STK32A: variants seen among roughly 807,000 people sequenced by gnomAD.
STK32A encodes the protein serine/threonine kinase 32A.
Under a neutral mutation model 53.2 loss-of-function variants are expected in STK32A, and 41 were observed. The ratio of observed to expected loss-of-function variants is 0.77; its 90% CI spans 0.60 to 1.00. The LOEUF is 1.00. Among genes scored for constraint, STK32A ranks in the 50% least tolerant of loss-of-function variants. The pLI is 0.00. For synonymous variants in STK32A, 166 were observed against 162.8 expected (o/e 1.02, Z -0.15); for missense variants, 458 against 485.8 (o/e 0.94, Z 0.54).
At chr5:147,248,243 C>T (rs760032252) in intron 2 of STK32A, among the ~76,000 whole-genome samples, 6 of 152,052 alleles carry the variant, frequency 3.9e-5, no homozygotes, top group Non-Finnish European at 8.8e-5. Context: ...AAGCATCTTG[C>T]AGACATTTCT....
chr5:147,348,637 A>AG, intron 6 of STK32A: 1 of 748,692 alleles, frequency 1.3e-6, no homozygotes, highest in Non-Finnish European at 2.5e-6. Context: ...TAAAGTAGAC[A>AG]GTTGCATGTC....
chr5:147,397,709 G>A, the STK32A span: 12 of 1,614,098 alleles, frequency 7.4e-6, no homozygotes, highest in African/African-American at 2.7e-5. Context: ...GTCGGAGAAC[G>A]GGCTGCAGGG....
At chr5:147,337,125 T>C (rs10079191) in intron 5 of STK32A, among the ~76,000 whole-genome samples, 42,753 of 152,084 alleles carry the variant, frequency 0.28, 7,806 homozygotes, top group African/African-American at 0.52. Flanking sequence ...ACATCAATTC[T>C]TCCTTGGATC....
intron 11 of STK32A, 194 bp from the exon 12 acceptor site, chr5:147,383,247 A>G: frequency 4.9e-6 from 3 of 614,604 alleles, no homozygotes; most frequent in Non-Finnish European, 8.7e-6. Context: ...CTAGGAGGGG[A>G]GACAGATTCC....
intron 4 of STK32A, among the ~76,000 whole-genome samples, chr5:147,319,691 T>G (rs999686809): frequency 5.3e-5 from 8 of 152,214 alleles, no homozygotes; most frequent in African/African-American, 1.9e-4. Context: ...CAGTGTACCC[T>G]AACCTCCTCC....
intron 2 of STK32A, among the ~76,000 whole-genome samples, chr5:147,264,522 A>G (rs914450035): frequency 1.6e-4 from 25 of 152,246 alleles, no homozygotes; most frequent in African/African-American, 6.0e-4. Flanking sequence ...ATTGTGCAAG[A>G]AAAGAAAACT....
intron 8 of STK32A, among the ~76,000 whole-genome samples, chr5:147,364,561 G>T (rs1756660861): frequency 6.6e-6 from 1 of 152,142 alleles, no homozygotes; most frequent in Non-Finnish European, 1.5e-5. Context: ...AAATACCACA[G>T]AATTGGTGGC....
At chr5:147,270,389 T>C (rs1754978257) in intron 2 of STK32A, among the ~76,000 whole-genome samples, 1 of 104,514 alleles carries the variant, frequency 9.6e-6, no homozygotes, top group African/African-American at 4.1e-5. Context: ...ATGTTTAATT[T>C]TTTTGTTGTT....
the STK32A span, chr5:147,397,962 G>A: frequency 9.3e-7 from 1 of 1,074,770 alleles, no homozygotes; most frequent in Non-Finnish European, 1.3e-6. Context: ...GCCAGGAAAA[G>A]CTCACCATGC....
intron 4 of STK32A, among the ~76,000 whole-genome samples, chr5:147,279,965 A>C (rs916684097): frequency 7.2e-5 from 11 of 152,098 alleles, no homozygotes; most frequent in Non-Finnish European, 1.3e-4. Context: ...TGGGAAAGAG[A>C]GACCCTCCTC....
At chr5:147,244,207 G>T (rs1753694996) in intron 2 of STK32A, among the ~76,000 whole-genome samples, 2 of 152,192 alleles carry the variant, frequency 1.3e-5, no homozygotes, top group Non-Finnish European at 2.9e-5. Flanking sequence ...TGCAGCATGT[G>T]TCAAGATTCT....
chr5:147,260,802 C>T (rs10077015), intron 2 of STK32A, among the ~76,000 whole-genome samples: 35,354 of 152,036 alleles, frequency 0.23, 4,630 homozygotes, highest in Admixed American at 0.33. Flanking sequence ...GCTAGGGAAC[C>T]GCAGAGAGGA....
chr5:147,327,001 G>A (rs184404713), intron 5 of STK32A, among the ~76,000 whole-genome samples: 1 of 152,176 alleles, frequency 6.6e-6, no homozygotes, highest in East Asian at 1.9e-4. Context: ...TTACAGGTGT[G>A]AGTCACCATG....
intron 2 of STK32A, among the ~76,000 whole-genome samples, chr5:147,272,616 A>C (rs1433988487): frequency 4.3e-5 from 5 of 116,132 alleles, no homozygotes; most frequent in Non-Finnish European, 8.9e-5. Context: ...GAATCTCTTA[A>C]AGGGTACACA....
At chr5:147,326,760 A>G (rs991602464) in intron 5 of STK32A, among the ~76,000 whole-genome samples, 1 of 152,220 alleles carries the variant, frequency 6.6e-6, no homozygotes, top group African/African-American at 2.4e-5. Context: ...AAACCAGGAT[A>G]CTCTGAGAGC....
At chr5:147,274,699 A>G (rs1755177836) in intron 2 of STK32A, among the ~76,000 whole-genome samples, 1 of 152,226 alleles carries the variant, frequency 6.6e-6, no homozygotes, top group Non-Finnish European at 1.5e-5. Flanking sequence ...AGTTCCAGGC[A>G]ATATTCTATG....
intron 4 of STK32A, 109 bp from the exon 5 acceptor site, chr5:147,323,789 G>A: frequency 1.1e-6 from 1 of 939,254 alleles, no homozygotes; most frequent in Admixed American, 2.8e-5. Flanking sequence ...CAAAGTCTGA[G>A]CTCTTAGCTC....
Position 147,386,745 on chromosome 5 carries a change from G to C in STK32A, c.*2762G>C, listed in dbSNP as rs557825816. 6.6e-6 allele frequency: 1 copy of C among 152,200 alleles called. No individual in the cohort carries two copies. Among genetic ancestry groups the C allele is most frequent in the Non-Finnish European group, 1.5e-5 (1 of 68,046 alleles). 9.4% of individuals were successfully genotyped at this position (152,200 alleles called of 1,614,324 possible). ...GTGCTAGCCAGGTGAATGACACACA[G>C]TGTATTTCAAGTTTGAAAAGCAAAA... On this transcript the variant is annotated 3_prime_UTR_variant, in exon 13 of 13. Transcript: ENST00000397936.
At chr5:147,287,709 G>A (rs1038382487) in intron 4 of STK32A, among the ~76,000 whole-genome samples, 3 of 152,072 alleles carry the variant, frequency 2.0e-5, no homozygotes, top group African/African-American at 7.2e-5. Flanking sequence ...TAAAATGGAT[G>A]CAGCTCTTTC....
Sources: gnomAD v4.1 joint callset for allele counts (sites outside exome capture counted in the v4.1 genomes callset) on GRCh38, gnomAD v4.1.1 for gene constraint, MANE v1.5 for transcripts, NCBI Gene and HGNC (gene_info 2026-07-23, HGNC 2026-07-21) for gene names.